The following EYA1 variants were observed in gnomAD, a reference collection of about 807,000 sequenced individuals.
EYA1 encodes protein phosphatase EYA1.
A neutral mutation model predicts 82.0 loss-of-function variants in EYA1; 16 were observed. That is an observed-to-expected ratio of 0.20 (90% confidence interval 0.13 to 0.30). The LOEUF (loss-of-function observed/expected upper bound fraction) is 0.30. Ranked by LOEUF, EYA1 falls within the 10% of genes least tolerant of loss-of-function variation. The probability of loss-of-function intolerance (pLI) is 1.00; values close to 1 mark genes in which losing one functional copy is unlikely to be tolerated. For synonymous variants in EYA1, 261 were observed against 264.4 expected, an observed-to-expected ratio of 0.99 and a Z score of 0.12; for missense variants, 633 against 730.7, an observed-to-expected ratio of 0.87 and a Z score of 1.54.
At chr8:71,249,487 G>A (rs1012186906) in intron 11 of EYA1, among the ~76,000 whole-genome samples, 8 of 152,166 alleles carry the variant, frequency 5.3e-5, no homozygotes, top group Admixed American at 3.3e-4. Flanking sequence ...CAGATCTCAT[G>A]AGAACTCACT....
intron 12 of EYA1, among the ~76,000 whole-genome samples, chr8:71,217,548 G>C (rs1200614843): frequency 6.6e-6 from 1 of 152,090 alleles, no homozygotes; most frequent in Non-Finnish European, 1.5e-5. Context: ...TTATTTGAGA[G>C]ATGTGAGTTT....
chr8:71,482,599 G>T (rs1810248712), intron 2 of EYA1, among the ~76,000 whole-genome samples: 1 of 152,120 alleles, frequency 6.6e-6, no homozygotes, highest in African/African-American at 2.4e-5. Flanking sequence ...TATGTTCATG[G>T]TAACATAATT....
chr8:71,524,169 T>A (rs1813643668), intron 2 of EYA1, among the ~76,000 whole-genome samples: 1 of 152,198 alleles, frequency 6.6e-6, no homozygotes, highest in African/African-American at 2.4e-5. Flanking sequence ...TAGAAACATT[T>A]TTCAGATACA....
intron 2 of EYA1, among the ~76,000 whole-genome samples, chr8:71,448,609 T>C (rs551020634): frequency 6.6e-6 from 1 of 152,350 alleles, no homozygotes; most frequent in South Asian, 2.1e-4. Context: ...TCTAGAACAG[T>C]GAATGCTGTC....
intron 2 of EYA1, among the ~76,000 whole-genome samples, chr8:71,376,186 T>G (rs867184522): frequency 6.6e-5 from 10 of 152,078 alleles, no homozygotes; most frequent in Admixed American, 6.6e-5. Flanking sequence ...AAAGGTAATA[T>G]ACTTGTAAAA....
chr8:71,222,503 G>A (rs1810052692), intron 12 of EYA1, among the ~76,000 whole-genome samples: 1 of 152,144 alleles, frequency 6.6e-6, no homozygotes, highest in South Asian at 2.1e-4. Flanking sequence ...GACTACCAAA[G>A]CACCACATCT....
At chr8:71,497,797 G>A (rs1365565101) in intron 2 of EYA1, among the ~76,000 whole-genome samples, 2 of 152,112 alleles carry the variant, frequency 1.3e-5, no homozygotes, top group African/African-American at 4.8e-5. Context: ...CAATAGCCGA[G>A]TTATAAAATC....
chr8:71,342,732 T>G (rs1825282789), intron 3 of EYA1, among the ~76,000 whole-genome samples: 1 of 152,186 alleles, frequency 6.6e-6, no homozygotes, highest in Admixed American at 6.5e-5. Flanking sequence ...CAGACAAACC[T>G]TTTGAATTTG....
intron 2 of EYA1, among the ~76,000 whole-genome samples, chr8:71,454,908 A>G (rs1004598509): frequency 1.3e-4 from 20 of 152,238 alleles, no homozygotes; most frequent in African/African-American, 4.8e-4. Flanking sequence ...AAGGCAAGAA[A>G]TAACTAAGAT....
chr8:71,340,731 C>T (rs1172872402), intron 3 of EYA1, among the ~76,000 whole-genome samples: 1 of 152,112 alleles, frequency 6.6e-6, no homozygotes. Flanking sequence ...ATATAATAAA[C>T]TGCTTCATGA....
intron 17 of EYA1, among the ~76,000 whole-genome samples, chr8:71,206,984 G>A (rs1483206994): frequency 1.3e-5 from 2 of 152,090 alleles, no homozygotes; most frequent in South Asian, 2.1e-4. Flanking sequence ...TCAAACTCCT[G>A]AGCTGAAGTG....
chr8:71,427,514 C>A (rs1051661724), intron 2 of EYA1, among the ~76,000 whole-genome samples: 1 of 152,144 alleles, frequency 6.6e-6, no homozygotes, highest in African/African-American at 2.4e-5. Context: ...GTATTTCTAC[C>A]ATTGCCTCAT....
At chr8:71,517,737 A>G (rs1197789770) in intron 2 of EYA1, among the ~76,000 whole-genome samples, 1 of 146,522 alleles carries the variant, frequency 6.8e-6, no homozygotes, top group Admixed American at 6.9e-5. Flanking sequence ...AACTGTATAC[A>G]TATATATAAC....
intron 2 of EYA1, among the ~76,000 whole-genome samples, chr8:71,388,059 T>C (rs906341417): frequency 3.9e-5 from 6 of 152,150 alleles, no homozygotes; most frequent in Non-Finnish European, 5.9e-5. Flanking sequence ...AAGTTAATTA[T>C]CATTATATTC....
rs1162431998 is a variant in EYA1 at position 71,494,955 on chromosome 8, C to A, written c.33+40789G>T. Reference sequence around the variant, plus strand: ...TAAGGCCTAAGCAATATAGTATTTACAAACATAGCAATAGTGGACTCCTAA... The same window carrying A: ...TAAGGCCTAAGCAATATAGTATTTAAAAACATAGCAATAGTGGACTCCTAA... On this transcript the variant is annotated intron_variant, in intron 2 of 18. Coordinates refer to the EYA1 transcript ENST00000643681. Among the ~76,000 whole-genome samples the A allele has an allele frequency of 2.6e-5, 4 of 151,890 alleles. No individual in the cohort carries two copies. In the South Asian group the frequency reaches 8.3e-4, roughly 32 times the overall value.
chr8:71,353,861 T>C (rs1826564844), intron 3 of EYA1, among the ~76,000 whole-genome samples: 1 of 152,152 alleles, frequency 6.6e-6, no homozygotes, highest in Non-Finnish European at 1.5e-5. Context: ...ATTGAACTTC[T>C]AGTGAAAGGT....
chr8:71,257,071 A>T (rs1168162458), intron 11 of EYA1, among the ~76,000 whole-genome samples: 2 of 152,174 alleles, frequency 1.3e-5, no homozygotes, highest in Non-Finnish European at 1.5e-5. Context: ...TTACAGAATT[A>T]TTTTTAATTT....
intron 3 of EYA1, among the ~76,000 whole-genome samples, chr8:71,346,353 G>T (rs1449352870): frequency 6.8e-6 from 1 of 147,664 alleles, no homozygotes; most frequent in Non-Finnish European, 1.5e-5. Context: ...TGTAATTGTG[G>T]ATATACAGTA....
intron 2 of EYA1, among the ~76,000 whole-genome samples, chr8:71,460,069 C>T (rs898427097): frequency 6.6e-6 from 1 of 152,182 alleles, no homozygotes; most frequent in African/African-American, 2.4e-5. Flanking sequence ...ATTGAAAAAG[C>T]ATTTGAACAT....
Sources: allele counts gnomAD v4.1 joint callset (sites outside exome capture counted in the v4.1 genomes callset), GRCh38; gene constraint gnomAD v4.1.1; transcripts MANE v1.5; gene names NCBI Gene and HGNC (gene_info 2026-07-23, HGNC 2026-07-21).